MELK: variants seen among roughly 807,000 people sequenced by gnomAD.
MELK encodes maternal embryonic leucine zipper kinase.
A neutral mutation model predicts 85.0 loss-of-function variants in MELK; 81 were observed. That is an observed-to-expected ratio of 0.95 (90% confidence interval 0.80 to 1.15). The LOEUF (loss-of-function observed/expected upper bound fraction) is 1.15, where lower values mean the gene tolerates loss of function less well. MELK is among the 50% of genes most tolerant of loss of function. MELK has a pLI of 0.00. For missense variants in MELK, 754 were observed against 777.5 expected (o/e 0.97, Z 0.36); for synonymous variants, 252 against 265.0 (o/e 0.95, Z 0.48).
chr9:36,593,023 AT>A (rs1554716464), intron 4 of MELK, among the ~76,000 whole-genome samples: 84 of 152,288 alleles, frequency 5.5e-4, no homozygotes, highest in Admixed American at 1.8e-3. Context: ...ATTCTAGACT[AT>A]GATGTAAATG....
At chr9:36,672,475 AT>A (rs1220106263) in intron 16 of MELK, among the ~76,000 whole-genome samples, 2 of 152,194 alleles carry the variant, frequency 1.3e-5, no homozygotes, top group Non-Finnish European at 2.9e-5. Context: ...TTATGTAAAT[AT>A]TTTGGAACCT....
rs186675853 is a variant in MELK at position 36,635,708 on chromosome 9, C to T, written c.834+2508C>T. Among the ~76,000 whole-genome samples the T allele has an allele frequency of 1.3e-4, 20 of 151,472 alleles. No homozygotes were observed. The East Asian group carries it at 3.7e-3, about 28-fold the overall frequency. ...GTGCTTTGAGAACTGGTCTAATATG[C>T]GTATATGTAAAAAAACATAAACAAC... On this transcript the variant is annotated intron_variant, in intron 10 of 17. Coordinates refer to ENST00000298048, the MANE Select transcript of MELK (RefSeq NM_014791.4).
chr9:36,677,334 A>G lies in MELK; in HGVS notation c.1953A>G (p.Val651=), dbSNP rs769303872. The change falls in exon 18 of 18, where the codon GTA becomes GTG. Residue 651 remains valine, a synonymous_variant. Coordinates refer to ENST00000298048, the MANE Select transcript of MELK (RefSeq NM_014791.4). ...AAGACATCCTATCTAGCTGCAAGGT[A>G]TAATTGATGGATTCTTCCATCCTGC... The part of the protein sequence containing the change: ...LVEDILSSCK[V] 1 of 1,610,704 alleles carries G rather than the reference A, an allele frequency of 6.2e-7. No individual in the cohort carries two copies. Among genetic ancestry groups the G allele is most frequent in the East Asian group, 2.2e-5 (1 of 44,796 alleles).
intron 9 of MELK, 26 bp downstream of exon 9, chr9:36,630,393 A>T: frequency 4.5e-6 from 7 of 1,547,718 alleles, no homozygotes; most frequent in South Asian, 1.1e-5. Context: ...AAATAATAGA[A>T]GTCTATTGTA....
At chr9:36,611,752 CTATTATTATTATTAT>C (rs761980953) in intron 8 of MELK, among the ~76,000 whole-genome samples, 10 of 145,412 alleles carry the variant, frequency 6.9e-5, no homozygotes, top group South Asian at 2.2e-4. Context: ...ATAAATGTAG[CTATTATTATTATTAT>C]TATTATTATT....
At chr9:36,653,382 G>A (rs962764080) in intron 12 of MELK, among the ~76,000 whole-genome samples, 1 of 152,150 alleles carries the variant, frequency 6.6e-6, no homozygotes, top group Non-Finnish European at 1.5e-5. Flanking sequence ...CTGGGCTCAA[G>A]CAGTCCTCCC....
intron 10 of MELK, 25 bp downstream of exon 10, chr9:36,633,225 A>AT (rs771179956): frequency 1.6e-4 from 244 of 1,535,202 alleles, no homozygotes; most frequent in South Asian, 4.1e-4. Flanking sequence ...ATCCAGTAGA[A>AT]TTTTTTTTTG....
intron 3 of MELK, among the ~76,000 whole-genome samples, chr9:36,586,867 T>C (rs1477042057): frequency 2.0e-5 from 3 of 152,152 alleles, no homozygotes; most frequent in Non-Finnish European, 4.4e-5. Flanking sequence ...TATTTATTTA[T>C]TTATTTATTT....
intron 6 of MELK, among the ~76,000 whole-genome samples, chr9:36,598,352 A>G (rs1019512298): frequency 1.3e-5 from 2 of 152,172 alleles, no homozygotes; most frequent in Non-Finnish European, 1.5e-5. Flanking sequence ...ACACCATCTA[A>G]GGAAAGTGGG....
chr9:36,588,523 C>A (rs11999493), intron 3 of MELK, among the ~76,000 whole-genome samples: 4,635 of 150,200 alleles, frequency 0.031, 235 homozygotes, highest in African/African-American at 0.1. Flanking sequence ...GGGATTACAG[C>A]CATGCGGCAC....
At position 36,592,966 on chromosome 9, in the gene MELK, C is replaced by T. The variant is rs542029317; in HGVS notation, c.262-1662C>T. On this transcript the variant is annotated intron_variant, in intron 4 of 17. Transcript: ENST00000298048. ...TGTAACCATAGCCACCCTGCCCTTA[C>T]CAGCAACTGCTCATCTGATTTCTAT... 9.2e-5 allele frequency among the ~76,000 whole-genome samples: 14 copies of T among 152,266 alleles called. No homozygotes were observed. In the South Asian group the frequency reaches 1.9e-3, roughly 20 times the overall value.
At chr9:36,627,941 G>C (rs1828103469) in intron 8 of MELK, among the ~76,000 whole-genome samples, 1 of 151,886 alleles carries the variant, frequency 6.6e-6, no homozygotes, top group Non-Finnish European at 1.5e-5. Context: ...CACTCTTGTT[G>C]CCCAGGCTGG....
Position 36,652,042 on chromosome 9 carries a change from A to ATTTTTTT in MELK, c.1053+181_1053+187dup, listed in dbSNP as rs11465173. Among the ~76,000 whole-genome samples, 13 of 91,384 alleles carry ATTTTTTT rather than the reference A, an allele frequency of 1.4e-4. 1 individual carries two copies. The highest frequency in any genetic ancestry group is 1.7e-4 in the African/African-American group (4 of 24,176). 60.0% of individuals were successfully genotyped at this position (91,384 alleles called of 152,430 possible). A position where few individuals can be genotyped will look rare whatever the true frequency, so the allele number is the denominator to read the frequency against. On this transcript the variant is annotated intron_variant, in intron 12 of 17. Transcript: ENST00000298048. ...TGGGAAGTTCTGAAGTTGAACTCTA[A>ATTTTTTT]TTTTTTTTTTTTTTTTTTTTTTGAG...
intron 8 of MELK, among the ~76,000 whole-genome samples, chr9:36,614,185 T>A (rs1053348186): frequency 1.3e-5 from 2 of 151,014 alleles, no homozygotes; most frequent in Admixed American, 1.3e-4. Flanking sequence ...AACCTCCGCC[T>A]CCTGGGTTCA....
At chr9:36,634,403 T>C (rs1421643131) in intron 10 of MELK, among the ~76,000 whole-genome samples, 1 of 152,100 alleles carries the variant, frequency 6.6e-6, no homozygotes, top group East Asian at 1.9e-4. Flanking sequence ...ATCAAAATGG[T>C]GTTCTTTGAA....
At chr9:36,625,328 T>C (rs1827825109) in intron 8 of MELK, among the ~76,000 whole-genome samples, 1 of 152,076 alleles carries the variant, frequency 6.6e-6, no homozygotes, top group Admixed American at 6.6e-5. Flanking sequence ...AAATAAGCAG[T>C]TTGCCAAGAA....
At chr9:36,615,276 A>G (rs1381630716) in intron 8 of MELK, among the ~76,000 whole-genome samples, 1 of 98,798 alleles carries the variant, frequency 1.0e-5, no homozygotes, top group African/African-American at 4.9e-5. Context: ...CCCAGACGGC[A>G]CGGCTGGCCA....
chr9:36,676,765 ATAT>A (rs1343060715), intron 17 of MELK, among the ~76,000 whole-genome samples: 6 of 152,342 alleles, frequency 3.9e-5, no homozygotes, highest in African/African-American at 1.4e-4. Context: ...CACACATGAA[ATAT>A]TATCTTTCTT....
At chr9:36,630,208 G>A (rs547406607) in intron 8 of MELK, 91 bp from the exon 9 acceptor site, 84 of 945,974 alleles carry the variant, frequency 8.9e-5, no homozygotes, top group Admixed American at 3.8e-4. Flanking sequence ...AAGTCTTCAA[G>A]CTTAAAAGTA....
Sources: gnomAD v4.1 joint callset for allele counts (sites outside exome capture counted in the v4.1 genomes callset) on GRCh38, gnomAD v4.1.1 for gene constraint, MANE v1.5 for transcripts, NCBI Gene and HGNC (gene_info 2026-07-23, HGNC 2026-07-21) for gene names.